Variants in PCDHGA4 observed in about 807,000 individuals in gnomAD.
PCDHGA4 encodes the protein protocadherin gamma subfamily A, 4.
In PCDHGA4, 38 loss-of-function variants were observed where a neutral mutation model predicts 54.6. The ratio of observed to expected loss-of-function variants is 0.70; its 90% CI spans 0.54 to 0.91. The LOEUF (loss-of-function observed/expected upper bound fraction) is 0.91. PCDHGA4 is among the 40% of genes least tolerant of loss of function. The probability of loss-of-function intolerance (pLI) is 0.00; values close to 1 mark genes in which losing one functional copy is unlikely to be tolerated. For missense variants in PCDHGA4, 1,298 were observed against 1,220.9 expected (o/e 1.06, Z -0.94); for synonymous variants, 511 against 512.9 (o/e 1.00, Z 0.05).
At position 141,395,259 on chromosome 5, in the gene PCDHGA4, C is replaced by T. The variant is rs1042867033; in HGVS notation, c.2514+37638C>T. ...TCAGGTGAGTTTAGTTCTTTGCTTG[C>T]TTTTAATTTCCAGATGAATTTTATT... On this transcript the variant is annotated intron_variant, in intron 1 of 3. Transcript: ENST00000571252. The T allele has an allele frequency of 3.2e-6, 5 of 1,551,850 alleles. No homozygotes were observed. In the Admixed American group the frequency reaches 1.0e-4, roughly 32 times the overall value.
chr5:141,389,553 G>T, intron 1 of PCDHGA4: 1 of 1,613,234 alleles, frequency 6.2e-7, no homozygotes. Context: ...CAACGACAAT[G>T]CGCCACGGGT....
At chr5:141,404,114 G>C (rs2094486353) in intron 1 of PCDHGA4, 4 of 1,613,348 alleles carry the variant, frequency 2.5e-6, no homozygotes, top group Non-Finnish European at 3.4e-6. Context: ...TTCTATCCAG[G>C]AGAATCTATC....
At chr5:141,396,119 A>T (rs1190344282) in intron 1 of PCDHGA4, 1 of 152,250 alleles carries the variant, frequency 6.6e-6, no homozygotes, top group Non-Finnish European at 1.5e-5. Flanking sequence ...CCAATGTTTC[A>T]GGTACACAAG....
chr5:141,421,254 C>T, intron 1 of PCDHGA4: 1 of 1,607,460 alleles, frequency 6.2e-7, no homozygotes, highest in East Asian at 2.2e-5. Flanking sequence ...AGCGCGGGGA[C>T]CGCAGTCGGC....
At chr5:141,383,416 A>G in intron 1 of PCDHGA4, 1 of 1,613,856 alleles carries the variant, frequency 6.2e-7, no homozygotes, top group Non-Finnish European at 8.5e-7. Flanking sequence ...TTACCAGCTC[A>G]GCCCCAATCG....
intron 1 of PCDHGA4, chr5:141,426,519 C>T: frequency 8.8e-6 from 3 of 341,848 alleles, no homozygotes; most frequent in South Asian, 6.9e-5. Flanking sequence ...TTACCGTGAA[C>T]ACGGAGAATG....
intron 1 of PCDHGA4, among the ~76,000 whole-genome samples, chr5:141,435,619 T>A (rs2097772280): frequency 6.6e-6 from 1 of 152,190 alleles, no homozygotes; most frequent in Non-Finnish European, 1.5e-5. Context: ...AAATTCCCCA[T>A]AACTTTTACA....
In PCDHGA4 at chr5:141,512,009, CAAGTT is replaced by C. The variant is rs1409890580; in HGVS notation, c.*838_*842del. On this transcript the variant is annotated 3_prime_UTR_variant, in exon 4 of 4. Transcript: ENST00000571252. ...GGGGCATGGACAAAGCTTGACACATCAAGTTATCAAGGCCTTGGAGGAGGCTCTGT... is the reference window on the plus strand; with the variant it reads ...GGGGCATGGACAAAGCTTGACACATCATCAAGGCCTTGGAGGAGGCTCTGT... 1 of 153,074 alleles carries C rather than the reference CAAGTT, an allele frequency of 6.5e-6. No individual in the cohort carries two copies. The highest frequency in any genetic ancestry group is 1.9e-4 in the East Asian group (1 of 5,182). 9.5% of individuals were successfully genotyped at this position (153,074 alleles called of 1,614,324 possible).
rs569362520 is a variant in PCDHGA4 at position 141,415,063 on chromosome 5, G to T, written c.2514+57442G>T. ...CGCGGTGGGGGAGCACACGGGCGAG[G>T]TGCGCACGGCGCGAGCCCTGCTGGA... On this transcript the variant is annotated intron_variant, in intron 1 of 3. Coordinates refer to ENST00000571252, the MANE Select transcript of PCDHGA4 (RefSeq NM_018917.4). The T allele has an allele frequency of 3.1e-6, 5 of 1,613,432 alleles. No individual in the cohort carries two copies. The highest frequency in any genetic ancestry group is 3.3e-5 in the Admixed American group (2 of 60,008).
intron 1 of PCDHGA4, chr5:141,373,932 C>A: frequency 2.9e-6 from 2 of 688,010 alleles, no homozygotes; most frequent in Non-Finnish European, 4.5e-6. Context: ...GACGGGAAAG[C>A]AGGAAAGCTG....
chr5:141,455,149 TTA>T (rs537241375), intron 1 of PCDHGA4, among the ~76,000 whole-genome samples: 1 of 148,248 alleles, frequency 6.7e-6, no homozygotes, highest in Non-Finnish European at 1.5e-5. Context: ...TAAATAAATA[TTA>T]GTTTGTTGGT....
chr5:141,447,979 G>A (rs888759756), intron 1 of PCDHGA4, among the ~76,000 whole-genome samples: 15 of 151,814 alleles, frequency 9.9e-5, no homozygotes, highest in Admixed American at 5.9e-4. Context: ...CCAGCTACTC[G>A]GGAGGCTGAG....
chr5:141,389,208 G>A (rs762367131), intron 1 of PCDHGA4: 7 of 1,613,930 alleles, frequency 4.3e-6, no homozygotes, highest in Non-Finnish European at 5.9e-6. Context: ...GCACATTGGT[G>A]ATGTAAATGA....
intron 1 of PCDHGA4, chr5:141,371,738 C>G (rs765693064): frequency 6.2e-7 from 1 of 1,614,052 alleles, no homozygotes. Flanking sequence ...TCAACGACAA[C>G]GTTCCCGTTT....
intron 1 of PCDHGA4, among the ~76,000 whole-genome samples, chr5:141,449,588 C>CAA (rs768743917): frequency 2.4e-4 from 14 of 57,430 alleles, no homozygotes; most frequent in Non-Finnish European, 3.7e-4. Flanking sequence ...GACTCTGTCT[C>CAA]AAAAAAAAAA....
chr5:141,422,485 A>G, intron 1 of PCDHGA4: 2 of 1,613,980 alleles, frequency 1.2e-6, no homozygotes, highest in Non-Finnish European at 1.7e-6. Context: ...CCAGAGCTAC[A>G]ATATAACGTT....
rs1236993988 is a variant in PCDHGA4, at chr5:141,356,812, G to A, written c.1705G>A (p.Gly569Arg). Residue 569 changes from glycine (G) to arginine (R), a missense_variant, in exon 1 of 4, where the codon GGA becomes AGA. Coordinates refer to ENST00000571252, the MANE Select transcript of PCDHGA4 (RefSeq NM_018917.4). ...GCTGCTGATGACAGCCAGTGACAGT[G>A]GAGACCCTCCACTCAGCAGCAATGT... ...LQLLMTASDSGDPPLSSNVSL... is the reference protein window; with the variant it reads ...LQLLMTASDSRDPPLSSNVSL... 1 of 1,614,068 alleles carries A rather than the reference G, an allele frequency of 6.2e-7. No homozygotes were observed. The highest frequency in any genetic ancestry group is 8.5e-7 in the Non-Finnish European group (1 of 1,179,934).
At chr5:141,452,742 G>C (rs779371001) in intron 1 of PCDHGA4, among the ~76,000 whole-genome samples, 7 of 152,010 alleles carry the variant, frequency 4.6e-5, no homozygotes, top group Non-Finnish European at 8.8e-5. Context: ...GGAAGAGAGA[G>C]AAGGAAGAAG....
chr5:141,408,384 T>C, intron 1 of PCDHGA4: 2 of 1,614,014 alleles, frequency 1.2e-6, no homozygotes, highest in Non-Finnish European at 1.7e-6. Flanking sequence ...GTCCTGGATG[T>C]GTCGGCTCGC....
Sources: gnomAD v4.1 joint callset for allele counts (sites outside exome capture counted in the v4.1 genomes callset) on GRCh38, gnomAD v4.1.1 for gene constraint, MANE v1.5 for transcripts, NCBI Gene and HGNC (gene_info 2026-07-23, HGNC 2026-07-21) for gene names.